CRIPTO: variants seen among roughly 807,000 people sequenced by gnomAD.
CRIPTO encodes the protein protein Cripto.
At chr3:46,575,665 A>G in the CRIPTO span, among the ~76,000 whole-genome samples, 1 of 152,244 alleles carries the variant, frequency 6.6e-6, no homozygotes, top group Non-Finnish European at 1.5e-5. Flanking sequence ...TAAAAATTCC[A>G]CAAGAGCTTT....
At chr3:46,578,974 G>A in the CRIPTO span, 1 of 1,122,462 alleles carries the variant, frequency 8.9e-7, no homozygotes, top group African/African-American at 1.5e-5. Flanking sequence ...GAAAGATGGT[G>A]CTCTACAATT....
chr3:46,578,697 T>C, the CRIPTO span, among the ~76,000 whole-genome samples: 3 of 151,946 alleles, frequency 2.0e-5, no homozygotes, highest in East Asian at 3.8e-4. Flanking sequence ...AAACCGAAAC[T>C]CCCTCTCAAA....
At chr3:46,580,098 G>A in the CRIPTO span, 1 of 1,614,126 alleles carries the variant, frequency 6.2e-7, no homozygotes, top group Non-Finnish European at 8.5e-7. Flanking sequence ...GCCCTTTGAA[G>A]TTACGTAGTT....
At chr3:46,581,739 C>T in the CRIPTO span, 1 of 372,686 alleles carries the variant, frequency 2.7e-6, no homozygotes, top group South Asian at 6.7e-5. Context: ...TCTCGAACTC[C>T]TGACCTTGTG....
chr3:46,576,588 A>G, the CRIPTO span, among the ~76,000 whole-genome samples: 2 of 151,920 alleles, frequency 1.3e-5, no homozygotes, highest in Non-Finnish European at 2.9e-5. Context: ...TGACGCTGAA[A>G]TGGCCTCAGA....
At chr3:46,576,829 C>T in the CRIPTO span, among the ~76,000 whole-genome samples, 2 of 152,196 alleles carry the variant, frequency 1.3e-5, no homozygotes, top group South Asian at 4.1e-4. Context: ...GACTCCGGCT[C>T]ATAGACGCGC....
the CRIPTO span, chr3:46,580,120 TGCTTAGTTA>T: frequency 6.2e-7 from 1 of 1,610,920 alleles, no homozygotes; most frequent in South Asian, 1.1e-5. Context: ...CCTTGGGGGG[TGCTTAGTTA>T]GCAGGCTCTC....
At chr3:46,578,282 A>T in the CRIPTO span, among the ~76,000 whole-genome samples, 1 of 152,066 alleles carries the variant, frequency 6.6e-6, no homozygotes, top group Non-Finnish European at 1.5e-5. Context: ...AATAAAGGTC[A>T]GTACTACAAC....
the CRIPTO span, among the ~76,000 whole-genome samples, chr3:46,576,878 C>CAAT: frequency 9.9e-5 from 15 of 151,948 alleles, no homozygotes; most frequent in African/African-American, 3.1e-4. Context: ...TGGAACCACT[C>CAAT]AATAAACACG....
chr3:46,580,888 G>A, the CRIPTO span, among the ~76,000 whole-genome samples: 51 of 152,326 alleles, frequency 3.3e-4, no homozygotes, highest in African/African-American at 1.2e-3. Flanking sequence ...TGTTTGATAA[G>A]TGTGGGTTGG....
the CRIPTO span, among the ~76,000 whole-genome samples, chr3:46,578,389 A>AT: frequency 6.7e-6 from 1 of 148,910 alleles, no homozygotes; most frequent in Admixed American, 6.7e-5. Context: ...AAAAACCCAC[A>AT]TTTTTTACCT....
the CRIPTO span, chr3:46,579,070 C>CT: frequency 6.2e-7 from 1 of 1,613,948 alleles, no homozygotes; most frequent in South Asian, 1.1e-5. Flanking sequence ...GTTTGGCTAA[C>CT]TCATGTCTGA....
At chr3:46,578,125 C>T in the CRIPTO span, 20 of 1,048,592 alleles carry the variant, frequency 1.9e-5, no homozygotes, top group Middle Eastern at 2.0e-4. Context: ...AGCTGCCAAC[C>T]GCACTGCTGT....
At chr3:46,579,636 TACTCTGATACAAC>T in the CRIPTO span, 1 of 1,319,404 alleles carries the variant, frequency 7.6e-7, no homozygotes, top group Non-Finnish European at 1.1e-6. Context: ...CACAGAGACT[TACTCTGATACAAC>T]ACATTGGTGT....
At chr3:46,581,510 C>CTT in the CRIPTO span, 8,800 of 553,532 alleles carry the variant, frequency 0.016, 28 homozygotes, top group Middle Eastern at 0.023. Flanking sequence ...TCCAGTGTTT[C>CTT]TTTTTTTTTT....
the CRIPTO span, among the ~76,000 whole-genome samples, chr3:46,576,854 C>T: frequency 7.9e-5 from 12 of 151,908 alleles, no homozygotes; most frequent in Non-Finnish European, 2.9e-5. Context: ...CCATCTGGGG[C>T]GTCTGGCACT....
chr3:46,579,433 C>T, the CRIPTO span: 1 of 1,612,692 alleles, frequency 6.2e-7, no homozygotes, highest in Non-Finnish European at 8.5e-7. Flanking sequence ...ATCTTTCCAA[C>T]ACTCTTTCAC....
the CRIPTO span, chr3:46,577,685 A>G: frequency 3.9e-5 from 20 of 519,082 alleles, no homozygotes; most frequent in African/African-American, 3.3e-4. Context: ...CCCACCTGAA[A>G]GGTCTCCCCG....
chr3:46,575,932 C>T, the CRIPTO span, among the ~76,000 whole-genome samples: 1 of 152,222 alleles, frequency 6.6e-6, no homozygotes, highest in Non-Finnish European at 1.5e-5. Context: ...CTAGCCTTCT[C>T]CTTTGCGGAG....
Sources: allele counts gnomAD v4.1 joint callset (sites outside exome capture counted in the v4.1 genomes callset), GRCh38; gene constraint gnomAD v4.1.1; transcripts MANE v1.5; gene names NCBI Gene and HGNC (gene_info 2026-07-23, HGNC 2026-07-21).